The following MTMR2 variants were observed in gnomAD, a reference collection of about 807,000 sequenced individuals.
MTMR2 encodes phosphatidylinositol-3,5-bisphosphate 3-phosphatase MTMR2.
MTMR2 carries 55 observed loss-of-function variants against 86.9 expected under a neutral mutation model. The ratio of observed to expected loss-of-function variants is 0.63; its 90% CI spans 0.51 to 0.79. The LOEUF (loss-of-function observed/expected upper bound fraction) is 0.79. MTMR2 is among the 30% of genes least tolerant of loss of function. MTMR2 has a pLI of 0.00. For missense variants in MTMR2, 659 were observed against 772.3 expected, an observed-to-expected ratio of 0.85 and a Z score of 1.74; for synonymous variants, 241 against 266.8, an observed-to-expected ratio of 0.90 and a Z score of 0.94.
intron 2 of MTMR2, among the ~76,000 whole-genome samples, chr11:95,871,728 CTTTAG>C (rs1864895460): frequency 1.3e-5 from 2 of 152,146 alleles, no homozygotes; most frequent in Admixed American, 1.3e-4. Flanking sequence ...TGCAGAAGCT[CTTTAG>C]TTTAATTAGA....
intron 1 of MTMR2, among the ~76,000 whole-genome samples, chr11:95,910,613 T>A (rs480079): frequency 0.32 from 48,594 of 151,954 alleles, 8,661 homozygotes; most frequent in Non-Finnish European, 0.41. Flanking sequence ...CACTTGCCTT[T>A]AACTGTTTCA....
chr11:95,880,784 T>C (rs1865294526), intron 2 of MTMR2, among the ~76,000 whole-genome samples: 2 of 152,066 alleles, frequency 1.3e-5, no homozygotes, highest in South Asian at 4.1e-4. Flanking sequence ...TGGGTTGCAT[T>C]TTCTCTTATT....
intron 1 of MTMR2, among the ~76,000 whole-genome samples, chr11:95,905,332 C>T (rs749394494): frequency 0.12 from 399 of 3,434 alleles, 1 homozygote; most frequent in Non-Finnish European, 0.2. Context: ...CGCACCTGCG[C>T]ACACACACAC....
intron 1 of MTMR2, among the ~76,000 whole-genome samples, chr11:95,921,999 T>G (rs1419420791): frequency 6.6e-6 from 1 of 152,198 alleles, no homozygotes; most frequent in Non-Finnish European, 1.5e-5. Context: ...ACTTATTTCG[T>G]GTAATTGCAA....
chr11:95,870,823 T>C (rs1864846759), intron 2 of MTMR2, among the ~76,000 whole-genome samples: 1 of 151,490 alleles, frequency 6.6e-6, no homozygotes, highest in African/African-American at 2.4e-5. Context: ...GCCATGTTAG[T>C]GTGTTGCACC....
At chr11:95,860,205 T>C (rs1398399639) in intron 5 of MTMR2, among the ~76,000 whole-genome samples, 1 of 152,116 alleles carries the variant, frequency 6.6e-6, no homozygotes, top group Non-Finnish European at 1.5e-5. Context: ...CTTCTGACTA[T>C]AATGGAAAAC....
At chr11:95,873,529 T>G (rs181935592) in intron 2 of MTMR2, among the ~76,000 whole-genome samples, 1 of 152,330 alleles carries the variant, frequency 6.6e-6, no homozygotes, top group Admixed American at 6.5e-5. Context: ...CTACCAATTT[T>G]GATCTTTTCA....
At chr11:95,874,269 C>G (rs1170700644) in intron 2 of MTMR2, among the ~76,000 whole-genome samples, 1 of 152,160 alleles carries the variant, frequency 6.6e-6, no homozygotes, top group Non-Finnish European at 1.5e-5. Context: ...CTTTATGAAT[C>G]TGGGTGCTCC....
intron 10 of MTMR2, among the ~76,000 whole-genome samples, chr11:95,846,424 T>C (rs1863794504): frequency 6.6e-6 from 1 of 152,148 alleles, no homozygotes; most frequent in African/African-American, 2.4e-5. Flanking sequence ...AAATATACAG[T>C]ATACCAGATG....
intron 10 of MTMR2, among the ~76,000 whole-genome samples, chr11:95,845,819 T>C (rs984437566): frequency 7.0e-6 from 1 of 142,194 alleles, no homozygotes; most frequent in Non-Finnish European, 1.5e-5. Context: ...CTGAAGTCAA[T>C]CTTGAGTTAA....
At chr11:95,923,681 C>T in intron 1 of MTMR2, 194 bp downstream of exon 1, 2 of 1,427,326 alleles carry the variant, frequency 1.4e-6, no homozygotes, top group South Asian at 1.5e-5. Context: ...AAAGAAGCAG[C>T]GAGTTTTAAC....
Position 95,834,087 on chromosome 11 carries a change from C to T in MTMR2, c.*1203G>A, listed in dbSNP as rs368172620. The T allele has an allele frequency of 6.6e-6, 1 of 152,382 alleles. No homozygotes were observed. The allele number at this position is 152,382 out of a possible 1,614,324, so 9.4% of individuals were successfully genotyped here. ...AAGAAATGGCAACTTTGGACAAGAA[C>T]AAAGTTTAAAAGTCAGTTGGAATTT... On this transcript the variant is annotated 3_prime_UTR_variant, in exon 15 of 15. Coordinates refer to ENST00000346299, the MANE Select transcript of MTMR2 (RefSeq NM_016156.6).
Position 95,924,096 on chromosome 11 carries a change from C to G in MTMR2, c.-142G>C, listed in dbSNP as rs1031254206. On this transcript the variant is annotated 5_prime_UTR_variant, in exon 1 of 15. Coordinates refer to ENST00000346299, the MANE Select transcript of MTMR2 (RefSeq NM_016156.6). ...GAGGGAGACCGGAAGCGGCCATGTT[C>G]CCCCAGAGTGCACCGCGCCTGTAGG... 6.6e-6 allele frequency: 7 copies of G among 1,066,750 alleles called. No homozygotes were observed. The highest frequency in any genetic ancestry group is 1.4e-5 in the South Asian group (1 of 71,018). The allele number at this position is 1,066,750 out of a possible 1,614,324, so 66.1% of individuals were successfully genotyped here. A position where few individuals can be genotyped will look rare whatever the true frequency, so the allele number is the denominator to read the frequency against.
chr11:95,924,050 G>A lies in MTMR2; in HGVS notation c.-96C>T. Reference sequence around the variant, plus strand: ...CGGAGTGCTACGGACCGGGGCCGCAGTCAGGCCAGCGCCGGCCCGGGAGGG... The same window carrying A: ...CGGAGTGCTACGGACCGGGGCCGCAATCAGGCCAGCGCCGGCCCGGGAGGG... On this transcript the variant is annotated 5_prime_UTR_variant, in exon 1 of 15. Coordinates refer to ENST00000346299, the MANE Select transcript of MTMR2 (RefSeq NM_016156.6). 4 of 1,482,036 alleles carry A rather than the reference G, an allele frequency of 2.7e-6. No homozygotes were observed. Among genetic ancestry groups the A allele is most frequent in the Non-Finnish European group, 3.7e-6 (4 of 1,086,178 alleles). 91.8% of individuals were successfully genotyped at this position (1,482,036 alleles called of 1,614,324 possible).
intron 2 of MTMR2, among the ~76,000 whole-genome samples, chr11:95,872,805 TGA>T (rs2135506778): frequency 6.6e-6 from 1 of 152,330 alleles, no homozygotes; most frequent in South Asian, 2.1e-4. Context: ...CCTAATGTAT[TGA>T]GAGTTTTTAG....
At chr11:95,889,602 T>C (rs1439718520) in intron 1 of MTMR2, among the ~76,000 whole-genome samples, 1 of 151,850 alleles carries the variant, frequency 6.6e-6, no homozygotes, top group Admixed American at 6.6e-5. Flanking sequence ...AACGATCCTC[T>C]CACTCAGCCT....
intron 14 of MTMR2, among the ~76,000 whole-genome samples, chr11:95,835,801 C>T (rs1863245391): frequency 6.6e-6 from 1 of 151,982 alleles, no homozygotes; most frequent in South Asian, 2.1e-4. Flanking sequence ...GTTAATATTC[C>T]ATAAACATAT....
At position 95,858,633 on chromosome 11, in the gene MTMR2, C is replaced by T; in HGVS notation, c.469-1G>A. On this transcript the variant is annotated splice_acceptor_variant, in intron 5 of 14. Coordinates refer to ENST00000346299, the MANE Select transcript of MTMR2 (RefSeq NM_016156.6). LOFTEE classifies it high-confidence loss of function. ...GAGCAAATCGTAAATTCCTAATATC[C>T]TAGAAAAGATTTAGGAACCAAGTTA... 1 of 1,587,518 alleles carries T rather than the reference C, an allele frequency of 6.3e-7. No individual in the cohort carries two copies. Among genetic ancestry groups the T allele is most frequent in the Non-Finnish European group, 8.6e-7 (1 of 1,156,414 alleles).
intron 7 of MTMR2, among the ~76,000 whole-genome samples, chr11:95,856,839 C>T (rs913140846): frequency 6.6e-6 from 1 of 152,142 alleles, no homozygotes; most frequent in Non-Finnish European, 1.5e-5. Context: ...AAGACACCTG[C>T]TAGACTTTTT....
Sources: gnomAD v4.1 joint callset for allele counts (sites outside exome capture counted in the v4.1 genomes callset) on GRCh38, gnomAD v4.1.1 for gene constraint, MANE v1.5 for transcripts, NCBI Gene and HGNC (gene_info 2026-07-23, HGNC 2026-07-21) for gene names.